The following CMAS variants were observed in gnomAD, a reference collection of about 807,000 sequenced individuals.
The protein encoded by CMAS is cytidine monophosphate N-acetylneuraminic acid synthetase.
A neutral mutation model predicts 53.4 loss-of-function variants in CMAS; 21 were observed. The ratio of observed to expected loss-of-function variants is 0.39; its 90% CI spans 0.28 to 0.57. The LOEUF is 0.57. Among genes scored for constraint, CMAS ranks in the 20% least tolerant of loss-of-function variants. CMAS has a pLI of 0.56. For synonymous variants in CMAS, 189 were observed against 195.2 expected (o/e 0.97, Z 0.27); for missense variants, 384 against 534.9 (o/e 0.72, Z 2.78).
intron 1 of CMAS, among the ~76,000 whole-genome samples, chr12:22,052,620 C>T (rs1228585309): frequency 3.3e-5 from 5 of 152,164 alleles, no homozygotes; most frequent in Admixed American, 6.5e-5. Flanking sequence ...CTTATCCTCT[C>T]GTCATCTCTA....
chr12:22,062,391 G>C lies in CMAS; in HGVS notation c.1071G>C (p.Trp357Cys). Residue 357 changes from tryptophan to cysteine, a missense_variant, in exon 7 of 8, where the codon TGG (tryptophan) becomes TGC (cysteine). By Grantham distance (215) the Trp-to-Cys change is radical. Coordinates refer to ENST00000229329, the MANE Select transcript of CMAS (RefSeq NM_018686.6). Reference sequence around the variant, plus strand: ...ACAAGCTAGCAGTTGTAGATGAATGGAGAAAAGAAATGGGCCTGTGCTGGA... The same window carrying C: ...ACAAGCTAGCAGTTGTAGATGAATGCAGAAAAGAAATGGGCCTGTGCTGGA... Reference protein sequence around the residue: ...VSDKLAVVDEWRKEMGLCWKE... With the variant: ...VSDKLAVVDECRKEMGLCWKE... The C allele has an allele frequency of 6.2e-7, 1 of 1,613,756 alleles. No homozygotes were observed. Among genetic ancestry groups the C allele is most frequent in the Non-Finnish European group, 8.5e-7 (1 of 1,179,832 alleles).
At chr12:22,057,027 T>G (rs533550089) in intron 3 of CMAS, among the ~76,000 whole-genome samples, 1 of 152,314 alleles carries the variant, frequency 6.6e-6, no homozygotes, top group South Asian at 2.1e-4. Context: ...CTGTAGCCAG[T>G]GCCCATAAAG....
chr12:22,048,889 G>C (rs555355417), intron 1 of CMAS, among the ~76,000 whole-genome samples: 4 of 152,214 alleles, frequency 2.6e-5, no homozygotes, highest in African/African-American at 9.6e-5. Flanking sequence ...CTAGTCACAC[G>C]GACTAAGCCC....
intron 4 of CMAS, among the ~76,000 whole-genome samples, chr12:22,059,993 T>C (rs1950297530): frequency 6.6e-6 from 1 of 152,106 alleles, no homozygotes; most frequent in Non-Finnish European, 1.5e-5. Context: ...TGGATGACTA[T>C]TAGTCATTTT....
chr12:22,061,666 T>C (rs1950309160), intron 6 of CMAS, among the ~76,000 whole-genome samples: 1 of 152,174 alleles, frequency 6.6e-6, no homozygotes, highest in Non-Finnish European at 1.5e-5. Flanking sequence ...GTTTATTCAG[T>C]AAATATAAAC....
At chr12:22,061,163 G>A in intron 5 of CMAS, 118 bp from the exon 6 acceptor site, 1 of 780,694 alleles carries the variant, frequency 1.3e-6, no homozygotes, top group Admixed American at 2.4e-5. Context: ...AAGTAAATTT[G>A]GAGAGTAATG....
intron 1 of CMAS, among the ~76,000 whole-genome samples, chr12:22,053,662 G>T (rs1950249861): frequency 6.6e-6 from 1 of 150,394 alleles, no homozygotes; most frequent in Non-Finnish European, 1.5e-5. Context: ...GGCGGATCAC[G>T]AGGTCAGGAG....
chr12:22,063,162 A>T (rs762330008), intron 7 of CMAS, among the ~76,000 whole-genome samples: 24 of 152,206 alleles, frequency 1.6e-4, no homozygotes, highest in Non-Finnish European at 3.2e-4. Context: ...TGATGTCAAC[A>T]TTTTAAAATT....
intron 1 of CMAS, among the ~76,000 whole-genome samples, chr12:22,054,761 T>G (rs889570364): frequency 3.3e-5 from 5 of 152,118 alleles, no homozygotes; most frequent in African/African-American, 1.2e-4. Context: ...CAGGGGTACA[T>G]CAGGCTTGTT....
chr12:22,051,013 C>G (rs898406464), intron 1 of CMAS, among the ~76,000 whole-genome samples: 2 of 152,102 alleles, frequency 1.3e-5, no homozygotes, highest in African/African-American at 4.8e-5. Flanking sequence ...TAGGAGAGAG[C>G]TGAAGAAAAT....
intron 5 of CMAS, 120 bp from the exon 6 acceptor site, chr12:22,061,161 T>G: frequency 2.6e-6 from 2 of 776,208 alleles, no homozygotes; most frequent in Non-Finnish European, 4.4e-6. Flanking sequence ...TGAAGTAAAT[T>G]TGGAGAGTAA....
At chr12:22,057,491 ATCT>A (rs992347609) in intron 3 of CMAS, among the ~76,000 whole-genome samples, 3 of 152,188 alleles carry the variant, frequency 2.0e-5, no homozygotes, top group Non-Finnish European at 4.4e-5. Context: ...TCAATATAAA[ATCT>A]TCAATAATTT....
At chr12:22,063,483 T>C (rs549843212) in intron 7 of CMAS, among the ~76,000 whole-genome samples, 1 of 152,000 alleles carries the variant, frequency 6.6e-6, no homozygotes, top group East Asian at 1.9e-4. Flanking sequence ...CTACTTAGAA[T>C]ATAAACACAA....
At chr12:22,058,735 G>C in intron 4 of CMAS, 35 bp downstream of exon 4, 1 of 1,595,012 alleles carries the variant, frequency 6.3e-7, no homozygotes, top group Non-Finnish European at 8.5e-7. Context: ...CCTTTTAAGC[G>C]CTTTTGTAGG....
chr12:22,046,443 C>A lies in CMAS; in HGVS notation c.140C>A (p.Ala47Asp). 6.2e-7 allele frequency: 1 copy of A among 1,609,872 alleles called. No individual in the cohort carries two copies. ...RGVEKPPHLA[A>D]LILARGGSKG... ...GTGGAGAAGCCCCCGCACCTGGCAG[C>A]CCTAATTCTGGCCCGGGGAGGCAGC... Residue 47 changes from alanine to aspartate, a missense_variant, in exon 1 of 8, where the codon GCC (alanine) becomes GAC (aspartate). Ala to Asp is a moderately radical substitution (Grantham distance 126, BLOSUM62 -2). Transcript: ENST00000229329.
chr12:22,049,429 A>G (rs1006998375), intron 1 of CMAS, among the ~76,000 whole-genome samples: 1 of 152,210 alleles, frequency 6.6e-6, no homozygotes, highest in Non-Finnish European at 1.5e-5. Context: ...TTGACCAATG[A>G]TTTTCCCATT....
chr12:22,064,813 T>G (rs1031062312), intron 7 of CMAS, among the ~76,000 whole-genome samples: 18 of 152,194 alleles, frequency 1.2e-4, no homozygotes, highest in African/African-American at 3.9e-4. Flanking sequence ...AATGAAAAAT[T>G]TAAATAACTT....
intron 1 of CMAS, among the ~76,000 whole-genome samples, chr12:22,048,968 T>A (rs147273153): frequency 4.9e-4 from 74 of 152,304 alleles, no homozygotes; most frequent in African/African-American, 1.8e-3. Context: ...TTTCGTTTTC[T>A]GGGGCTGTGA....
chr12:22,056,299 T>TA (rs1328094423), intron 3 of CMAS, among the ~76,000 whole-genome samples: 1 of 152,246 alleles, frequency 6.6e-6, no homozygotes, highest in African/African-American at 2.4e-5. Flanking sequence ...TACAGTTCTG[T>TA]AATCTGCTTC....
Sources: allele counts gnomAD v4.1 joint callset (sites outside exome capture counted in the v4.1 genomes callset), GRCh38; gene constraint gnomAD v4.1.1; transcripts MANE v1.5; gene names NCBI Gene and HGNC (gene_info 2026-07-23, HGNC 2026-07-21).